Variants in RGS7 observed in about 807,000 individuals in gnomAD.
The protein encoded by RGS7 is regulator of G-protein signaling 7.
In RGS7, 27 loss-of-function variants were observed where a neutral mutation model predicts 81.1. The observed-to-expected ratio is 0.33, with a 90% CI of 0.25 to 0.46. The LOEUF (loss-of-function observed/expected upper bound fraction) is 0.46. RGS7 is among the 20% of genes least tolerant of loss of function. The pLI is 1.00. For synonymous variants in RGS7, 208 were observed against 207.7 expected, an observed-to-expected ratio of 1.00 and a Z score of -0.01; for missense variants, 396 against 607.4, an observed-to-expected ratio of 0.65 and a Z score of 3.66.
intron 2 of RGS7, among the ~76,000 whole-genome samples, chr1:241,120,747 G>A (rs917093968): frequency 2.6e-5 from 4 of 151,966 alleles, no homozygotes; most frequent in African/African-American, 4.8e-5. Flanking sequence ...GAAAAGCCAC[G>A]GCCTCTAGAT....
chr1:240,848,095 C>T (rs1659429142), intron 9 of RGS7, among the ~76,000 whole-genome samples: 1 of 152,058 alleles, frequency 6.6e-6, no homozygotes, highest in South Asian at 2.1e-4. Flanking sequence ...AGATCGGAAG[C>T]CATCACTGCC....
chr1:241,131,120 T>G (rs1164834376), intron 2 of RGS7, among the ~76,000 whole-genome samples: 1 of 152,134 alleles, frequency 6.6e-6, no homozygotes, highest in African/African-American at 2.4e-5. Flanking sequence ...AAATGTGTTT[T>G]TCTCCATTAG....
At chr1:241,217,229 T>C (rs1319347411) in intron 2 of RGS7, among the ~76,000 whole-genome samples, 3 of 152,118 alleles carry the variant, frequency 2.0e-5, no homozygotes, top group Non-Finnish European at 4.4e-5. Context: ...CATGTGAGGA[T>C]ATAGTGAGCA....
chr1:241,242,569 G>T lies in RGS7; in HGVS notation c.78+113130C>A, dbSNP rs566109790. 1.6e-4 allele frequency among the ~76,000 whole-genome samples: 24 copies of T among 152,276 alleles called. No individual in the cohort carries two copies. The South Asian group carries it at 5.0e-3, about 32-fold the overall frequency. On this transcript the variant is annotated intron_variant, in intron 2 of 18. Coordinates refer to ENST00000440928, the MANE Select transcript of RGS7 (RefSeq NM_001364886.1). ...AATCTCCACACTGTTTTCCATAGTG[G>T]TTGTACTGGTTTACATTCCCACCAG...
chr1:240,910,021 C>G (rs1401569665), intron 6 of RGS7, among the ~76,000 whole-genome samples: 1 of 151,974 alleles, frequency 6.6e-6, no homozygotes, highest in Admixed American at 6.5e-5. Flanking sequence ...CCTTCTGTCC[C>G]TTCTGTTTGT....
chr1:241,017,409 TAGCCTGG>T (rs1280119473), intron 3 of RGS7, among the ~76,000 whole-genome samples: 1 of 137,680 alleles, frequency 7.3e-6, no homozygotes. Flanking sequence ...CACTGCACTC[TAGCCTGG>T]GTGACAGAGC....
intron 2 of RGS7, among the ~76,000 whole-genome samples, chr1:241,238,966 C>CTCTCTTTTTTT (rs397786851): frequency 9.4e-6 from 1 of 106,620 alleles, no homozygotes; most frequent in Non-Finnish European, 1.8e-5. Context: ...GCCTCTCTCT[C>CTCTCTTTTTTT]TTTTTTTTTT....
At chr1:240,872,570 C>T (rs543729253) in intron 6 of RGS7, among the ~76,000 whole-genome samples, 17 of 152,296 alleles carry the variant, frequency 1.1e-4, no homozygotes, top group Admixed American at 3.3e-4. Context: ...TGCTCTTGAC[C>T]GGATAGGCCC....
At chr1:240,907,459 AATAAT>A (rs1671007479) in intron 6 of RGS7, among the ~76,000 whole-genome samples, 1 of 149,744 alleles carries the variant, frequency 6.7e-6, no homozygotes. Context: ...TAAATACTAA[AATAAT>A]AAAATACTAA....
chr1:241,012,979 C>T (rs1392218059), intron 3 of RGS7, among the ~76,000 whole-genome samples: 2 of 152,038 alleles, frequency 1.3e-5, no homozygotes, highest in Non-Finnish European at 2.9e-5. Flanking sequence ...GATGCTACCT[C>T]CTCCCAGAAG....
intron 3 of RGS7, among the ~76,000 whole-genome samples, chr1:241,004,297 G>C (rs1170605235): frequency 6.6e-6 from 1 of 151,992 alleles, no homozygotes; most frequent in Non-Finnish European, 1.5e-5. Context: ...CCACCAATTT[G>C]TTCTCTCCTT....
At chr1:241,049,540 G>A (rs964585559) in intron 3 of RGS7, among the ~76,000 whole-genome samples, 1 of 152,108 alleles carries the variant, frequency 6.6e-6, no homozygotes, top group Non-Finnish European at 1.5e-5. Flanking sequence ...CAGGAGAAAG[G>A]GCTTTCCCCT....
intron 3 of RGS7, among the ~76,000 whole-genome samples, chr1:241,093,412 T>C (rs1484657876): frequency 6.6e-6 from 1 of 152,206 alleles, no homozygotes; most frequent in African/African-American, 2.4e-5. Context: ...ATGTAATCTA[T>C]TTCCCCAGCA....
chr1:241,170,705 C>T (rs975885091), intron 2 of RGS7, among the ~76,000 whole-genome samples: 7 of 152,042 alleles, frequency 4.6e-5, no homozygotes, highest in African/African-American at 7.2e-5. Context: ...GGGAGCAGTG[C>T]GGAAAGTGAC....
At position 241,208,315 on chromosome 1, in the gene RGS7, C is replaced by T. The variant is rs528233424; in HGVS notation, c.79-109553G>A. ...TGGCCATGTCTAAGCCACGCCCTGA[C>T]GATAGGGTTGGGATGACTACGCCAG... On this transcript the variant is annotated intron_variant, in intron 2 of 18. Transcript: ENST00000440928. Among the ~76,000 whole-genome samples the T allele has an allele frequency of 3.3e-4, 51 of 152,246 alleles. 1 individual carries two copies. Among genetic ancestry groups the T allele is most frequent in the African/African-American group, 9.4e-4 (39 of 41,558 alleles).
At chr1:240,948,918 C>A (rs1262776812) in intron 4 of RGS7, among the ~76,000 whole-genome samples, 1 of 151,490 alleles carries the variant, frequency 6.6e-6, no homozygotes, top group Admixed American at 6.6e-5. Context: ...AGTAGTTAAC[C>A]ACTTGGAATT....
rs2083527762 is a variant in RGS7, at chr1:241,355,863, TG to T, written c.-50-38del. ...CAGAGAGACTTCAGTGAGATCCCAG[TG>T]GGACTCCCCTGATTCATCATCATCA... On this transcript the variant is annotated intron_variant, in intron 1 of 18. Transcript: ENST00000440928. The T allele has an allele frequency of 3.7e-6, 4 of 1,076,732 alleles. No individual in the cohort carries two copies. In the African/African-American group the frequency reaches 6.2e-5, roughly 17 times the overall value. 66.7% of individuals were successfully genotyped at this position (1,076,732 alleles called of 1,614,324 possible).
intron 2 of RGS7, among the ~76,000 whole-genome samples, chr1:241,245,505 A>G (rs1453667290): frequency 6.6e-6 from 1 of 151,930 alleles, no homozygotes; most frequent in Admixed American, 6.6e-5. Context: ...AAAAAAAAAA[A>G]AAGAAAACGT....
At chr1:240,873,917 T>C (rs1436305701) in intron 6 of RGS7, among the ~76,000 whole-genome samples, 1 of 152,236 alleles carries the variant, frequency 6.6e-6, no homozygotes, top group Non-Finnish European at 1.5e-5. Flanking sequence ...AATTCTTCTC[T>C]TGTTCCTGAA....
Sources: gnomAD v4.1 joint callset for allele counts (sites outside exome capture counted in the v4.1 genomes callset) on GRCh38, gnomAD v4.1.1 for gene constraint, MANE v1.5 for transcripts, NCBI Gene and HGNC (gene_info 2026-07-23, HGNC 2026-07-21) for gene names.